ANKRD12: variants seen among roughly 807,000 people sequenced by gnomAD.
ANKRD12 encodes ankyrin repeat domain 12.
In ANKRD12, 85 loss-of-function variants were observed where a neutral mutation model predicts 183.4. That is an observed-to-expected ratio of 0.46 (90% CI 0.39 to 0.56). The LOEUF is 0.56. ANKRD12 is among the 20% of genes least tolerant of loss of function. The probability of loss-of-function intolerance (pLI) is 0.00; values close to 1 mark genes in which losing one functional copy is unlikely to be tolerated. For missense variants in ANKRD12, 2,405 were observed against 2,357.1 expected (o/e 1.02, Z -0.42); for synonymous variants, 914 against 800.2 (o/e 1.14, Z -2.40).
chr18:9,166,146 G>A (rs1173633984), intron 1 of ANKRD12, among the ~76,000 whole-genome samples: 8 of 152,110 alleles, frequency 5.3e-5, no homozygotes, highest in Non-Finnish European at 7.3e-5. Context: ...TTGGTTCCAA[G>A]TCTTTGCTGT....
intron 8 of ANKRD12, among the ~76,000 whole-genome samples, chr18:9,247,779 G>GT (rs1175837927): frequency 1.3e-5 from 2 of 148,532 alleles, no homozygotes; most frequent in Non-Finnish European, 3.0e-5. Context: ...TAGTTTTGGG[G>GT]TTTTTTTGTT....
chr18:9,141,289 G>A (rs2078306144), intron 1 of ANKRD12, among the ~76,000 whole-genome samples: 1 of 152,090 alleles, frequency 6.6e-6, no homozygotes, highest in African/African-American at 2.4e-5. Context: ...AAGGGCCATG[G>A]TTGTTCATAT....
chr18:9,264,409 G>A (rs983565315), intron 10 of ANKRD12, among the ~76,000 whole-genome samples: 1 of 152,162 alleles, frequency 6.6e-6, no homozygotes, highest in Admixed American at 6.5e-5. Context: ...TTTGGGGAGG[G>A]TTGAGGACCT....
chr18:9,241,248 G>A (rs1321894076), intron 8 of ANKRD12, among the ~76,000 whole-genome samples: 1 of 152,106 alleles, frequency 6.6e-6, no homozygotes, highest in Admixed American at 6.5e-5. Flanking sequence ...TGATGATCGG[G>A]AATCTAGACT....
intron 6 of ANKRD12, among the ~76,000 whole-genome samples, chr18:9,215,022 G>T (rs1406489163): frequency 6.6e-6 from 1 of 151,974 alleles, no homozygotes; most frequent in African/African-American, 2.4e-5. Flanking sequence ...TTAGAACAAG[G>T]TTTCGTTTAA....
At chr18:9,148,889 A>C (rs1354011218) in intron 1 of ANKRD12, among the ~76,000 whole-genome samples, 3 of 151,898 alleles carry the variant, frequency 2.0e-5, no homozygotes, top group Non-Finnish European at 4.4e-5. Context: ...CTTCATGATG[A>C]GATCCCTTCC....
intron 4 of ANKRD12, among the ~76,000 whole-genome samples, chr18:9,206,241 C>T (rs2035475946): frequency 6.6e-6 from 1 of 152,050 alleles, no homozygotes; most frequent in Non-Finnish European, 1.5e-5. Context: ...AGTATACTTA[C>T]ATTTAAACTT....
intron 1 of ANKRD12, among the ~76,000 whole-genome samples, chr18:9,174,356 C>G (rs1234168476): frequency 6.6e-6 from 1 of 152,166 alleles, no homozygotes; most frequent in Non-Finnish European, 1.5e-5. Context: ...GGGGAGGATA[C>G]GGATGGATTT....
chr18:9,179,020 C>T (rs943583499), intron 1 of ANKRD12, among the ~76,000 whole-genome samples: 18 of 152,128 alleles, frequency 1.2e-4, no homozygotes, highest in Non-Finnish European at 1.6e-4. Context: ...TATATTATCC[C>T]TAAGAATTTA....
At chr18:9,155,358 T>C (rs1329673841) in intron 1 of ANKRD12, among the ~76,000 whole-genome samples, 1 of 152,244 alleles carries the variant, frequency 6.6e-6, no homozygotes, top group Non-Finnish European at 1.5e-5. Flanking sequence ...ATAATTTGTT[T>C]AACCAGGTAT....
At chr18:9,252,916 TTC>T (rs1051107690) in intron 8 of ANKRD12, among the ~76,000 whole-genome samples, 4 of 152,216 alleles carry the variant, frequency 2.6e-5, no homozygotes, top group African/African-American at 9.6e-5. Context: ...GAGTTAAATA[TTC>T]TCTCTCCTAA....
intron 1 of ANKRD12, among the ~76,000 whole-genome samples, chr18:9,152,510 T>C (rs1479617971): frequency 6.6e-6 from 1 of 152,154 alleles, no homozygotes; most frequent in Non-Finnish European, 1.5e-5. Flanking sequence ...TTTCACCGTT[T>C]TTGGTCTTCT....
chr18:9,169,591 T>A (rs917717856), intron 1 of ANKRD12, among the ~76,000 whole-genome samples: 1 of 152,234 alleles, frequency 6.6e-6, no homozygotes, highest in African/African-American at 2.4e-5. Context: ...CCCTTTATTT[T>A]GAGCCTATGT....
chr18:9,222,110 G>T, intron 8 of ANKRD12, 111 bp downstream of exon 8: 19 of 1,329,056 alleles, frequency 1.4e-5, no homozygotes, highest in Non-Finnish European at 2.0e-5. Context: ...AATAATGCTG[G>T]CTAGCTAGAA....
At chr18:9,154,167 C>T (rs1568226984) in intron 1 of ANKRD12, among the ~76,000 whole-genome samples, 4 of 151,976 alleles carry the variant, frequency 2.6e-5, no homozygotes, top group African/African-American at 9.7e-5. Flanking sequence ...AGCCTGTAAT[C>T]CCCCAGCACT....
At chr18:9,200,934 T>G (rs2035128413) in intron 3 of ANKRD12, among the ~76,000 whole-genome samples, 1 of 152,196 alleles carries the variant, frequency 6.6e-6, no homozygotes, top group Non-Finnish European at 1.5e-5. Flanking sequence ...TTGTCTTTAA[T>G]CATTTTGCCT....
chr18:9,270,830 T>A (rs897209465), intron 10 of ANKRD12, among the ~76,000 whole-genome samples: 1 of 152,206 alleles, frequency 6.6e-6, no homozygotes, highest in Admixed American at 6.5e-5. Context: ...AAATGATACA[T>A]CTTACTCGTA....
intron 3 of ANKRD12, among the ~76,000 whole-genome samples, chr18:9,203,719 C>G (rs893890252): frequency 6.6e-6 from 1 of 152,148 alleles, no homozygotes; most frequent in African/African-American, 2.4e-5. Flanking sequence ...ATTCTCTGGC[C>G]TCAGCCTCCC....
intron 10 of ANKRD12, among the ~76,000 whole-genome samples, chr18:9,270,406 A>G (rs963178707): frequency 2.6e-5 from 4 of 152,232 alleles, no homozygotes; most frequent in African/African-American, 9.6e-5. Context: ...AATGTGGCAC[A>G]TATACACCGT....
Sources: allele counts gnomAD v4.1 joint callset (sites outside exome capture counted in the v4.1 genomes callset), GRCh38; gene constraint gnomAD v4.1.1; transcripts MANE v1.5; gene names NCBI Gene and HGNC (gene_info 2026-07-23, HGNC 2026-07-21).